EXD3: variants seen among roughly 807,000 people sequenced by gnomAD.
EXD3 encodes the protein exonuclease 3'-5' domain containing 3.
EXD3 carries 92 observed loss-of-function variants against 98.0 expected under a neutral mutation model. The ratio of observed to expected loss-of-function variants is 0.94; its 90% CI spans 0.79 to 1.12. The LOEUF (loss-of-function observed/expected upper bound fraction) is 1.12, where lower values mean the gene tolerates loss of function less well. EXD3 is among the 50% of genes most tolerant of loss of function. The probability of loss-of-function intolerance (pLI) is 0.00; values close to 1 mark genes in which losing one functional copy is unlikely to be tolerated. For synonymous variants in EXD3, 569 were observed against 526.0 expected (o/e 1.08, Z -1.12); for missense variants, 1,222 against 1,191.6 (o/e 1.03, Z -0.38).
Position 137,354,736 on chromosome 9 carries a change from C to A in EXD3, c.795G>T (p.Ala265=). 1 of 1,610,898 alleles carries A rather than the reference C, an allele frequency of 6.2e-7. No individual in the cohort carries two copies. The highest frequency in any genetic ancestry group is 8.5e-7 in the Non-Finnish European group (1 of 1,179,672). ...CPNAAIQQRL[A]ALRHLCHKRF... is the part of the protein sequence containing the mutation. The stretch of plus-strand genomic sequence containing the variant: ...GCTTGTGGCACAGGTGCCGCAGGGC[C>A]GCCAGGCGCTGCTGAATGGCCGCGT... Residue 265 remains alanine (A), a synonymous_variant, in exon 9 of 22, where the codon GCG becomes GCT. Transcript: ENST00000340951.
In EXD3 at chr9:137,385,363, C is replaced by CGCGTTCTGGGTGCT. The variant is rs1836536000; in HGVS notation, c.56-1987_56-1986insAGCACCCAGAACGC. Among the ~76,000 whole-genome samples the CGCGTTCTGGGTGCT allele has an allele frequency of 6.8e-6, 1 of 147,256 alleles. No homozygotes were observed. The highest frequency in any genetic ancestry group is 2.5e-5 in the African/African-American group (1 of 40,252). ...CCATGGCAGGCAGTGTGACTGGCCC[C>CGCGTTCTGGGTGCT]GCATTCTGGGTGCTGCATGCTGGGC... On this transcript the variant is annotated intron_variant, in intron 2 of 21. Coordinates refer to ENST00000340951, the MANE Select transcript of EXD3 (RefSeq NM_017820.5). This position sits in a 1 kb window ranked among gnomAD's most constrained non-coding sequence, Gnocchi z 4.4.
At chr9:137,312,231 C>A (rs894321475) in intron 19 of EXD3, among the ~76,000 whole-genome samples, 1 of 152,164 alleles carries the variant, frequency 6.6e-6, no homozygotes, top group Non-Finnish European at 1.5e-5. Flanking sequence ...CTCCACCCCA[C>A]CCCCTCCAGT....
At chr9:137,327,497 A>G (rs536412173) in intron 17 of EXD3, among the ~76,000 whole-genome samples, 1 of 152,292 alleles carries the variant, frequency 6.6e-6, no homozygotes, top group African/African-American at 2.4e-5. Flanking sequence ...TATGTGATAC[A>G]GTGAATGTGC....
intron 1 of EXD3, among the ~76,000 whole-genome samples, chr9:137,411,772 A>C (rs1214023285): frequency 1.3e-5 from 2 of 149,870 alleles, no homozygotes; most frequent in Admixed American, 6.6e-5. Context: ...GGGGAGGCGG[A>C]GGGCTTCCTG....
chr9:137,389,086 C>T (rs1322336106), intron 2 of EXD3, among the ~76,000 whole-genome samples: 1 of 152,324 alleles, frequency 6.6e-6, no homozygotes, highest in African/African-American at 2.4e-5. Context: ...TCCTGGTGGC[C>T]TTCTGGCGTC....
intron 17 of EXD3, among the ~76,000 whole-genome samples, chr9:137,326,714 G>A (rs1291905097): frequency 6.6e-6 from 1 of 152,150 alleles, no homozygotes; most frequent in African/African-American, 2.4e-5. Flanking sequence ...AATGTTGGTG[G>A]GATGTGGATA....
chr9:137,355,117 G>A (rs540602996), intron 8 of EXD3, among the ~76,000 whole-genome samples: 2 of 152,288 alleles, frequency 1.3e-5, no homozygotes, highest in Non-Finnish European at 2.9e-5. Context: ...TGGAACCCTC[G>A]TGGACAGAGC....
chr9:137,396,846 G>C (rs1401405920), intron 1 of EXD3, among the ~76,000 whole-genome samples: 1 of 152,200 alleles, frequency 6.6e-6, no homozygotes, highest in African/African-American at 2.4e-5. Context: ...TATATCTTAG[G>C]AAACCAGTTT....
intron 11 of EXD3, 114 bp from the exon 12 acceptor site, chr9:137,352,315 GCTC>G (rs1239324351): frequency 2.8e-6 from 4 of 1,429,474 alleles, no homozygotes; most frequent in South Asian, 1.3e-5. Context: ...TCAGGTCCTG[GCTC>G]CTCCTCCCAC....
chr9:137,330,651 C>A (rs952239383), intron 17 of EXD3, among the ~76,000 whole-genome samples: 3 of 151,996 alleles, frequency 2.0e-5, no homozygotes. Context: ...AGGAGCTACA[C>A]AGGACTGATG....
chr9:137,337,488 TA>T (rs1243079114), intron 17 of EXD3, among the ~76,000 whole-genome samples: 1 of 151,932 alleles, frequency 6.6e-6, no homozygotes, highest in Non-Finnish European at 1.5e-5. Flanking sequence ...CTATCTCTAC[TA>T]AAAATACAAA....
At chr9:137,320,611 G>GC (rs1016717095) in intron 19 of EXD3, among the ~76,000 whole-genome samples, 13 of 152,126 alleles carry the variant, frequency 8.5e-5, no homozygotes, top group African/African-American at 2.7e-4. Flanking sequence ...GGTCAGGGCG[G>GC]CCCCCACTGC....
At chr9:137,332,821 G>A (rs1833156573) in intron 17 of EXD3, among the ~76,000 whole-genome samples, 1 of 152,192 alleles carries the variant, frequency 6.6e-6, no homozygotes. Context: ...CTCCAGCCTG[G>A]CGACAGACTG....
chr9:137,307,293 C>A, intron 21 of EXD3, 30 bp from the exon 22 acceptor site: 4 of 1,458,900 alleles, frequency 2.7e-6, no homozygotes, highest in Non-Finnish European at 2.7e-6. Flanking sequence ...CTCCCTGAGC[C>A]CTCAGCCTTC....
intron 1 of EXD3, among the ~76,000 whole-genome samples, chr9:137,397,776 G>A (rs1195045139): frequency 6.6e-6 from 1 of 151,980 alleles, no homozygotes; most frequent in Non-Finnish European, 1.5e-5. Context: ...TGGTCAAACT[G>A]TACAAAAAAA....
intron 1 of EXD3, among the ~76,000 whole-genome samples, chr9:137,415,889 A>C (rs1469471989): frequency 1.3e-5 from 2 of 152,226 alleles, no homozygotes; most frequent in Non-Finnish European, 2.9e-5. Flanking sequence ...TAAGGGGATC[A>C]CGCTGCACGG....
Position 137,374,995 on chromosome 9 carries a change from G to C in EXD3, c.121-1396C>G, listed in dbSNP as rs371613203. ...CCAGCTCTAGTAAGTTGTAGCTCTT[G>C]TGAGTTCTAACCCTAGTTTTGTTTT... On this transcript the variant is annotated intron_variant, in intron 3 of 21. Transcript: ENST00000340951. 3.8e-5 allele frequency: 14 copies of C among 365,682 alleles called. No homozygotes were observed. In the South Asian group the frequency reaches 6.7e-4, roughly 18 times the overall value. 22.7% of individuals were successfully genotyped at this position (365,682 alleles called of 1,614,324 possible). A position where few individuals can be genotyped will look rare whatever the true frequency, so the allele number is the denominator to read the frequency against.
intron 2 of EXD3, among the ~76,000 whole-genome samples, chr9:137,386,769 C>T (rs866273869): frequency 5.5e-5 from 8 of 144,724 alleles, no homozygotes; most frequent in African/African-American, 1.3e-4. Flanking sequence ...AGCACCCCTG[C>T]TCCCTGCCTG....
intron 19 of EXD3, among the ~76,000 whole-genome samples, chr9:137,318,601 C>T (rs1272214041): frequency 3.9e-5 from 6 of 152,150 alleles, no homozygotes; most frequent in African/African-American, 1.4e-4. Flanking sequence ...GTAGACGGCA[C>T]TGGGAACGTT....
Sources: gnomAD v4.1 joint callset for allele counts (sites outside exome capture counted in the v4.1 genomes callset) on GRCh38, gnomAD v4.1.1 for gene constraint, Gnocchi (gnomAD v3.1) non-coding constraint, MANE v1.5 for transcripts, NCBI Gene and HGNC (gene_info 2026-07-23, HGNC 2026-07-21) for gene names.